Variants in AGBL4 observed in about 807,000 individuals in gnomAD.
AGBL4 encodes cytosolic carboxypeptidase 6.
In AGBL4, 58 loss-of-function variants were observed where a neutral mutation model predicts 66.4. That is an observed-to-expected ratio of 0.87 (90% CI 0.71 to 1.09). The LOEUF (loss-of-function observed/expected upper bound fraction) is 1.09. AGBL4 is among the 50% of genes least tolerant of loss of function. The probability of loss-of-function intolerance (pLI) is 0.00; values close to 1 mark genes in which losing one functional copy is unlikely to be tolerated. For synonymous variants in AGBL4, 234 were observed against 222.9 expected, an observed-to-expected ratio of 1.05 and a Z score of -0.44; for missense variants, 579 against 631.0, an observed-to-expected ratio of 0.92 and a Z score of 0.88.
At chr1:49,362,587 C>T (rs1644163629) in intron 3 of AGBL4, among the ~76,000 whole-genome samples, 1 of 151,860 alleles carries the variant, frequency 6.6e-6, no homozygotes, top group African/African-American at 2.4e-5. Flanking sequence ...TTTGCGCAAA[C>T]ACCCACACTC....
chr1:49,209,928 T>C (rs911208639), intron 4 of AGBL4, among the ~76,000 whole-genome samples: 1 of 152,118 alleles, frequency 6.6e-6, no homozygotes, highest in Non-Finnish European at 1.5e-5. Flanking sequence ...GTCATTGGTA[T>C]TCCCAGTGTA....
chr1:48,762,652 G>GTA (rs1644331131), intron 6 of AGBL4, among the ~76,000 whole-genome samples: 3 of 147,014 alleles, frequency 2.0e-5, no homozygotes, highest in Admixed American at 1.4e-4. Flanking sequence ...GTGTGTGTGT[G>GTA]TGTGTGTATG....
chr1:49,587,888 G>A (rs1644681214), intron 3 of AGBL4, among the ~76,000 whole-genome samples: 1 of 151,820 alleles, frequency 6.6e-6, no homozygotes, highest in South Asian at 2.1e-4. Flanking sequence ...CAAATACATT[G>A]AAATAATGAA....
intron 6 of AGBL4, among the ~76,000 whole-genome samples, chr1:48,770,475 TTAAC>T (rs1383642995): frequency 6.6e-6 from 1 of 152,152 alleles, no homozygotes; most frequent in Non-Finnish European, 1.5e-5. Context: ...AGGCTCTTCT[TTAAC>T]TGTGCCTTTA....
intron 1 of AGBL4, among the ~76,000 whole-genome samples, chr1:49,958,675 C>T (rs1314902743): frequency 7.6e-6 from 1 of 132,044 alleles, no homozygotes; most frequent in Non-Finnish European, 1.5e-5. Context: ...AGTGGAACAT[C>T]ACACACTAGG....
At position 49,031,566 on chromosome 1, in the gene AGBL4, A is replaced by G. The variant is rs865900304; in HGVS notation, c.594+14018T>C. Among the ~76,000 whole-genome samples, 22 of 152,270 alleles carry G rather than the reference A, an allele frequency of 1.4e-4. No homozygotes were observed. In the Middle Eastern group the frequency reaches 0.014, roughly 94 times the overall value. On this transcript the variant is annotated intron_variant, in intron 5 of 13. Transcript: ENST00000371839. ...TACAATTCAATAATAAAAACACAAAAAATAATCTCAGTTTAAGAATGGGCA... is the reference window on the plus strand; with the variant it reads ...TACAATTCAATAATAAAAACACAAAGAATAATCTCAGTTTAAGAATGGGCA...
At chr1:48,865,852 G>A (rs1648015377) in intron 6 of AGBL4, among the ~76,000 whole-genome samples, 1 of 152,084 alleles carries the variant, frequency 6.6e-6, no homozygotes, top group Admixed American at 6.6e-5. Flanking sequence ...AACTGTATCG[G>A]ACATAGATAA....
chr1:48,661,984 C>T (rs959354197), intron 7 of AGBL4, among the ~76,000 whole-genome samples: 4 of 152,170 alleles, frequency 2.6e-5, no homozygotes, highest in Admixed American at 1.3e-4. Flanking sequence ...TGACTGGAGC[C>T]TCAGTCATGC....
chr1:49,983,807 T>C (rs889585917), intron 1 of AGBL4, among the ~76,000 whole-genome samples: 5 of 152,240 alleles, frequency 3.3e-5, no homozygotes, highest in Non-Finnish European at 7.3e-5. Context: ...ATACCTGGCT[T>C]TGCAGTATGC....
At position 49,950,097 on chromosome 1, in the gene AGBL4, C is replaced by CAT. The variant is rs745795784; in HGVS notation, c.34+73664_34+73665dup. 7.3e-5 allele frequency among the ~76,000 whole-genome samples: 10 copies of CAT among 137,596 alleles called. No individual in the cohort carries two copies. The East Asian group carries it at 1.1e-3, about 15-fold the overall frequency. The allele number at this position is 137,596 out of a possible 152,430, so 90.3% of individuals were successfully genotyped here. On this transcript the variant is annotated intron_variant, in intron 1 of 13. Coordinates refer to ENST00000371839, the MANE Select transcript of AGBL4 (RefSeq NM_032785.4). ...ATACACATATGTGTATATATATACACATATATATACATATGTATATACACA... is the reference window on the plus strand; with the variant it reads ...ATACACATATGTGTATATATATACACATATATATATACATATGTATATACACA...
At chr1:49,904,793 A>AGCT (rs927575600) in intron 1 of AGBL4, among the ~76,000 whole-genome samples, 2 of 152,218 alleles carry the variant, frequency 1.3e-5, no homozygotes, top group African/African-American at 4.8e-5. Context: ...CTACCAAGTG[A>AGCT]GCTGCTAGAG....
intron 3 of AGBL4, among the ~76,000 whole-genome samples, chr1:49,545,910 G>A (rs1023852005): frequency 2.0e-5 from 3 of 152,142 alleles, no homozygotes; most frequent in Non-Finnish European, 2.9e-5. Context: ...AGTTATGGGA[G>A]TACAGGTGGT....
At chr1:49,846,861 A>G (rs143117136) in intron 2 of AGBL4, among the ~76,000 whole-genome samples, 3 of 152,366 alleles carry the variant, frequency 2.0e-5, no homozygotes, top group African/African-American at 7.2e-5. Flanking sequence ...GCCCAAAGCA[A>G]GCTACAGATT....
Position 48,533,678 on chromosome 1 carries a change from TG to T in AGBL4, c.*494del, listed in dbSNP as rs1226548826. ...GTTGATTTCAAAAATTCTGTCCCAT[TG>T]TTCCCTAGGATGCATTTGCCCTTTG... On this transcript the variant is annotated 3_prime_UTR_variant, in exon 14 of 14. Coordinates refer to ENST00000371839, the MANE Select transcript of AGBL4 (RefSeq NM_032785.4). The T allele has an allele frequency of 6.0e-6, 1 of 166,010 alleles. No homozygotes were observed. Among genetic ancestry groups the T allele is most frequent in the Non-Finnish European group, 1.3e-5 (1 of 77,256 alleles). 10.3% of individuals were successfully genotyped at this position (166,010 alleles called of 1,614,324 possible). A position where few individuals can be genotyped will look rare whatever the true frequency, so the allele number is the denominator to read the frequency against.
intron 5 of AGBL4, among the ~76,000 whole-genome samples, chr1:48,954,687 G>A (rs758627655): frequency 1.1e-4 from 16 of 152,182 alleles, no homozygotes; most frequent in Non-Finnish European, 2.4e-4. Context: ...TGAGTATGAT[G>A]TAAACTTGAG....
intron 3 of AGBL4, among the ~76,000 whole-genome samples, chr1:49,637,320 A>C (rs1408872038): frequency 2.6e-5 from 4 of 151,782 alleles, no homozygotes; most frequent in African/African-American, 9.7e-5. Flanking sequence ...ATTTTTTTTG[A>C]GATGGAGTCT....
chr1:48,719,148 C>G (rs1327961180), intron 6 of AGBL4, among the ~76,000 whole-genome samples: 2 of 152,172 alleles, frequency 1.3e-5, no homozygotes, highest in African/African-American at 4.8e-5. Flanking sequence ...GAGACATGTA[C>G]AAACCTGAAA....
intron 1 of AGBL4, among the ~76,000 whole-genome samples, chr1:49,885,075 G>C (rs1209714182): frequency 6.6e-6 from 1 of 151,768 alleles, no homozygotes; most frequent in Non-Finnish European, 1.5e-5. Flanking sequence ...AGTTCATATT[G>C]GTCAAAGTGA....
At chr1:49,009,526 G>A in intron 5 of AGBL4, among the ~76,000 whole-genome samples, 1 of 151,922 alleles carries the variant, frequency 6.6e-6, no homozygotes, top group East Asian at 1.9e-4. Context: ...TAACTCATTT[G>A]ATGAGGCCAG....
Sources: allele counts gnomAD v4.1 joint callset (sites outside exome capture counted in the v4.1 genomes callset), GRCh38; gene constraint gnomAD v4.1.1; transcripts MANE v1.5; gene names NCBI Gene and HGNC (gene_info 2026-07-23, HGNC 2026-07-21).